The following MYO5A variants were observed in gnomAD, a reference collection of about 807,000 sequenced individuals.
The protein encoded by MYO5A is myosin VA.
MYO5A carries 98 observed loss-of-function variants against 249.7 expected under a neutral mutation model. That is an observed-to-expected ratio of 0.39 (90% CI 0.33 to 0.46). The LOEUF is 0.46. MYO5A is among the 20% of genes least tolerant of loss of function. The probability of loss-of-function intolerance (pLI) is 0.98; values close to 1 mark genes in which losing one functional copy is unlikely to be tolerated. For synonymous variants in MYO5A, 778 were observed against 810.6 expected (o/e 0.96, Z 0.68); for missense variants, 1,696 against 2,308.8 (o/e 0.73, Z 5.44).
intron 1 of MYO5A, among the ~76,000 whole-genome samples, chr15:52,439,125 T>C (rs1390113717): frequency 3.3e-5 from 5 of 152,230 alleles, no homozygotes; most frequent in Non-Finnish European, 7.3e-5. Context: ...TGGCCCAAGA[T>C]TCCATTCCTT....
In MYO5A at chr15:52,390,548, C is replaced by CT. The variant is rs961218362; in HGVS notation, c.1543-1186dup. On this transcript the variant is annotated intron_variant, in intron 12 of 41. Transcript: ENST00000399233. Reference sequence around the variant, plus strand: ...CTCCAACTTAATTATTTCTCCCTCTCTTTTTTTTTTTCTTTTTTTTTTTTT... The same window carrying CT: ...CTCCAACTTAATTATTTCTCCCTCTCTTTTTTTTTTTTCTTTTTTTTTTTTT... Among the ~76,000 whole-genome samples, 784 of 140,116 alleles carry CT rather than the reference C, an allele frequency of 5.6e-3. 8 individuals carry two copies. Among genetic ancestry groups the CT allele is most frequent in the African/African-American group, 0.019 (717 of 37,442 alleles). 91.9% of individuals were successfully genotyped at this position (140,116 alleles called of 152,430 possible).
intron 38 of MYO5A, among the ~76,000 whole-genome samples, chr15:52,320,086 G>C: frequency 6.6e-6 from 1 of 152,190 alleles, no homozygotes; most frequent in Non-Finnish European, 1.5e-5. Context: ...TATGGGTCTG[G>C]AGAGCTGGGC....
At chr15:52,505,277 C>T in intron 1 of MYO5A, 1 of 776,326 alleles carries the variant, frequency 1.3e-6, no homozygotes, top group Non-Finnish European at 2.4e-6. Flanking sequence ...GGGTATGTGC[C>T]ATCACAAGCA....
intron 1 of MYO5A, among the ~76,000 whole-genome samples, chr15:52,494,400 T>G (rs1348662004): frequency 6.6e-6 from 1 of 152,174 alleles, no homozygotes; most frequent in African/African-American, 2.4e-5. Context: ...TGGAAATCAT[T>G]TAGTATTGGG....
chr15:52,528,540 G>T (rs1002285395), intron 1 of MYO5A, among the ~76,000 whole-genome samples: 8 of 152,214 alleles, frequency 5.3e-5, no homozygotes, highest in African/African-American at 2.4e-5. Context: ...CGAGCAGCGC[G>T]GCAGGGGCCT....
rs1461450059 is a variant in MYO5A, at chr15:52,308,505, C to G, written c.*5191G>C. 1 of 152,174 alleles carries G rather than the reference C, an allele frequency of 6.6e-6. No homozygotes were observed. The highest frequency in any genetic ancestry group is 1.5e-5 in the Non-Finnish European group (1 of 68,040). The allele number at this position is 152,174 out of a possible 1,614,324, so 9.4% of individuals were successfully genotyped here. A position where few individuals can be genotyped will look rare whatever the true frequency, so the allele number is the denominator to read the frequency against. The stretch of plus-strand genomic sequence containing the variant: ...TAGAAAGCAAGACATTTAAGTATTA[C>G]CAAGAATCTAACTTATCTCCATAAT... On this transcript the variant is annotated 3_prime_UTR_variant, in exon 42 of 42. Coordinates refer to ENST00000399233, the MANE Select transcript of MYO5A (RefSeq NM_001382347.1).
intron 1 of MYO5A, among the ~76,000 whole-genome samples, chr15:52,460,733 A>G (rs1386900562): frequency 1.3e-5 from 2 of 152,216 alleles, no homozygotes; most frequent in African/African-American, 2.4e-5. Context: ...TAAGCTATAT[A>G]AAGACTTTAA....
intron 1 of MYO5A, among the ~76,000 whole-genome samples, chr15:52,454,380 G>A (rs2076078724): frequency 1.3e-5 from 2 of 152,006 alleles, no homozygotes; most frequent in African/African-American, 4.8e-5. Flanking sequence ...ACATTAATAG[G>A]TCCAAGAGAG....
intron 1 of MYO5A, among the ~76,000 whole-genome samples, chr15:52,506,231 G>C (rs1217810036): frequency 1.3e-5 from 2 of 152,000 alleles, no homozygotes; most frequent in Admixed American, 6.6e-5. Flanking sequence ...GGCACCTGTA[G>C]TCCCACCTAC....
chr15:52,415,376 A>G lies in MYO5A; in HGVS notation c.612+769T>C, dbSNP rs7181583. On this transcript the variant is annotated intron_variant, in intron 5 of 41. Transcript: ENST00000399233. ...TTCCAAAAATCTTATTAATAGACAG[A>G]TAATTATCTACAAATCCTAAAACAC... is the stretch of plus-strand genomic sequence containing the variant. Among the ~76,000 whole-genome samples, 9 of 152,342 alleles carry G rather than the reference A, an allele frequency of 5.9e-5. No individual in the cohort carries two copies. The South Asian group carries it at 1.7e-3, about 28-fold the overall frequency.
Position 52,397,542 on chromosome 15 carries a change from G to A in MYO5A, c.1054-76C>T, listed in dbSNP as rs914922503. ...ATCTCTCGGAAAATGTTAACAAAGA[G>A]TTAACAAATAAAATTCAGCAATTTC... On this transcript the variant is annotated intron_variant, in intron 9 of 41. Transcript: ENST00000399233. 2.6e-6 allele frequency: 4 copies of A among 1,532,072 alleles called. 1 individual carries two copies. Among genetic ancestry groups the A allele is most frequent in the Middle Eastern group, 3.4e-4 (2 of 5,806 alleles). 94.9% of individuals were successfully genotyped at this position (1,532,072 alleles called of 1,614,324 possible).
At chr15:52,431,245 A>AAAAAAAAAAAC (rs2075527757) in intron 2 of MYO5A, among the ~76,000 whole-genome samples, 1 of 149,544 alleles carries the variant, frequency 6.7e-6, no homozygotes, top group Non-Finnish European at 1.5e-5. Context: ...AAAAAAAAAA[A>AAAAAAAAAAAC]AGTCTAGTGC....
intron 1 of MYO5A, among the ~76,000 whole-genome samples, chr15:52,481,066 G>A (rs2076705183): frequency 6.6e-6 from 1 of 152,176 alleles, no homozygotes; most frequent in Non-Finnish European, 1.5e-5. Flanking sequence ...TAGGTATTAT[G>A]AGTCTTCATA....
chr15:52,451,657 T>C (rs1021752419), intron 1 of MYO5A, among the ~76,000 whole-genome samples: 7 of 152,212 alleles, frequency 4.6e-5, no homozygotes, highest in African/African-American at 1.4e-4. Context: ...ACCTGTCCTT[T>C]AACTGCTTAA....
intron 2 of MYO5A, among the ~76,000 whole-genome samples, chr15:52,431,967 A>C (rs895295120): frequency 1.3e-5 from 2 of 152,188 alleles, no homozygotes; most frequent in African/African-American, 4.8e-5. Context: ...AAAAAAAAAT[A>C]AAAAAGGATA....
chr15:52,443,123 C>T (rs937608509), intron 1 of MYO5A, among the ~76,000 whole-genome samples: 6 of 152,248 alleles, frequency 3.9e-5, no homozygotes, highest in Middle Eastern at 6.8e-3. Flanking sequence ...ATAATGAAAA[C>T]AGCTATTAAA....
At chr15:52,526,202 C>T (rs147566862) in intron 1 of MYO5A, among the ~76,000 whole-genome samples, 63 of 152,164 alleles carry the variant, frequency 4.1e-4, no homozygotes, top group African/African-American at 1.4e-3. Flanking sequence ...TTTTTCAACA[C>T]ACGGTCTTGC....
intron 14 of MYO5A, among the ~76,000 whole-genome samples, chr15:52,386,313 A>AAAC (rs10657432): frequency 0.9 from 134,385 of 150,104 alleles, 61,396 homozygotes; most frequent in Non-Finnish European, 0.98. Context: ...CACTGTCTCA[A>AAAC]AACAACAACA....
At chr15:52,446,852 C>A (rs1204784038) in intron 1 of MYO5A, among the ~76,000 whole-genome samples, 2 of 152,146 alleles carry the variant, frequency 1.3e-5, no homozygotes, top group Non-Finnish European at 2.9e-5. Context: ...GTCTGTAGCC[C>A]CTTTCTTTTG....
Sources: gnomAD v4.1 joint callset for allele counts (sites outside exome capture counted in the v4.1 genomes callset) on GRCh38, gnomAD v4.1.1 for gene constraint, MANE v1.5 for transcripts, NCBI Gene and HGNC (gene_info 2026-07-23, HGNC 2026-07-21) for gene names.